CTNNA1: variants seen among roughly 807,000 people sequenced by gnomAD.
CTNNA1 encodes the protein catenin alpha 1, also known as catenin alpha-1.
Under a neutral mutation model 98.4 loss-of-function variants are expected in CTNNA1, and 37 were observed. The ratio of observed to expected loss-of-function variants is 0.38; its 90% confidence interval spans 0.29 to 0.49. The LOEUF is 0.49. Ranked by LOEUF, CTNNA1 falls within the 20% of genes least tolerant of loss-of-function variation. CTNNA1 has a pLI of 0.95. For synonymous variants in CTNNA1, 404 were observed against 413.2 expected (o/e 0.98, Z 0.27); for missense variants, 761 against 1,147.2 (o/e 0.66, Z 4.86).
rs1227268338 is a variant in CTNNA1, at chr5:138,934,395, T to C, written c.*306T>C. On this transcript the variant is annotated 3_prime_UTR_variant, in exon 18 of 18. Coordinates refer to ENST00000302763, the MANE Select transcript of CTNNA1 (RefSeq NM_001903.5). ...TCTGACCAAGCCGAGATGCCCATTCTCTTAGTGATGGCGGCGTTAGGGTTT... is the reference window on the plus strand; with the variant it reads ...TCTGACCAAGCCGAGATGCCCATTCCCTTAGTGATGGCGGCGTTAGGGTTT... The C allele has an allele frequency of 3.2e-6, 1 of 309,154 alleles. No homozygotes were observed. Among genetic ancestry groups the C allele is most frequent in the African/African-American group, 2.2e-5 (1 of 45,428 alleles). The allele number at this position is 309,154 out of a possible 1,614,324, so 19.2% of individuals were successfully genotyped here.
At chr5:138,913,277 T>C (rs1580763681) in intron 10 of CTNNA1, among the ~76,000 whole-genome samples, 1 of 152,208 alleles carries the variant, frequency 6.6e-6, no homozygotes, top group East Asian at 1.9e-4. Flanking sequence ...ATATTGTCTT[T>C]AGTTACATTA....
intron 7 of CTNNA1, among the ~76,000 whole-genome samples, chr5:138,836,789 A>G (rs1205387192): frequency 1.3e-5 from 2 of 152,204 alleles, no homozygotes; most frequent in Non-Finnish European, 2.9e-5. Context: ...CTTCATATCT[A>G]AAGTAGTATT....
chr5:138,878,377 T>C (rs1011857217), intron 7 of CTNNA1, among the ~76,000 whole-genome samples: 2 of 152,242 alleles, frequency 1.3e-5, no homozygotes, highest in African/African-American at 2.4e-5. Context: ...GGGCTACATA[T>C]CTATTTTTCT....
intron 3 of CTNNA1, among the ~76,000 whole-genome samples, chr5:138,808,975 A>T (rs1412033877): frequency 2.0e-5 from 3 of 152,196 alleles, no homozygotes; most frequent in Non-Finnish European, 4.4e-5. Flanking sequence ...AGGAAATGTT[A>T]TAAATTATTT....
intron 1 of CTNNA1, among the ~76,000 whole-genome samples, chr5:138,770,964 A>AC (rs1267529133): frequency 6.6e-6 from 1 of 151,828 alleles, no homozygotes; most frequent in Non-Finnish European, 1.5e-5. Context: ...AAAAAAAAAA[A>AC]ACACAAAAAC....
At chr5:138,781,083 G>A (rs1339845398) in intron 1 of CTNNA1, among the ~76,000 whole-genome samples, 3 of 152,166 alleles carry the variant, frequency 2.0e-5, no homozygotes, top group South Asian at 2.1e-4. Context: ...ATAGCTGTGG[G>A]TGCAGAGGGC....
At chr5:138,836,940 A>G (rs1761836615) in intron 7 of CTNNA1, among the ~76,000 whole-genome samples, 1 of 152,186 alleles carries the variant, frequency 6.6e-6, no homozygotes, top group African/African-American at 2.4e-5. Context: ...TAATGTCACA[A>G]AGTTTAAAAA....
At chr5:138,754,218 T>C (rs1399394274) in intron 1 of CTNNA1, 4 of 146,372 alleles carry the variant, frequency 2.7e-5, no homozygotes, top group Non-Finnish European at 4.5e-5. Flanking sequence ...TTTTCAGGAG[T>C]GGCATTAGAG....
intron 7 of CTNNA1, among the ~76,000 whole-genome samples, chr5:138,845,314 A>G (rs571823747): frequency 6.6e-6 from 1 of 152,344 alleles, no homozygotes; most frequent in South Asian, 2.1e-4. Context: ...AAGCTAGTCT[A>G]CTTTCTTTGG....
At chr5:138,878,427 G>A (rs1349549253) in intron 7 of CTNNA1, among the ~76,000 whole-genome samples, 6 of 152,088 alleles carry the variant, frequency 3.9e-5, no homozygotes, top group Admixed American at 3.3e-4. Context: ...GCTTTTTTCC[G>A]CAAACATATG....
At chr5:138,777,593 C>T (rs1409786332) in intron 1 of CTNNA1, among the ~76,000 whole-genome samples, 7 of 151,176 alleles carry the variant, frequency 4.6e-5, no homozygotes, top group African/African-American at 7.3e-5. Flanking sequence ...AACCAGACTC[C>T]GTCTGCAATC....
intron 3 of CTNNA1, among the ~76,000 whole-genome samples, chr5:138,808,246 T>C (rs1293246251): frequency 6.6e-6 from 1 of 152,168 alleles, no homozygotes; most frequent in Non-Finnish European, 1.5e-5. Context: ...TCTTAACCAG[T>C]TGTTAATTTT....
chr5:138,931,403 T>TG (rs1215585387), intron 16 of CTNNA1, among the ~76,000 whole-genome samples: 4 of 152,226 alleles, frequency 2.6e-5, no homozygotes, highest in Admixed American at 6.5e-5. Context: ...TTAAGCCTGA[T>TG]CAAGAGAAGC....
chr5:138,815,828 G>T (rs1759376037), intron 5 of CTNNA1, among the ~76,000 whole-genome samples: 1 of 152,152 alleles, frequency 6.6e-6, no homozygotes, highest in Non-Finnish European at 1.5e-5. Context: ...TAGACTGGTT[G>T]TGGGCTCCTG....
intron 7 of CTNNA1, among the ~76,000 whole-genome samples, chr5:138,852,985 CCTT>C (rs1763381349): frequency 6.6e-6 from 1 of 152,152 alleles, no homozygotes; most frequent in Non-Finnish European, 1.5e-5. Context: ...TCCTTGCAAG[CCTT>C]CTGGTTTACC....
At position 138,874,774 on chromosome 5, in the gene CTNNA1, G is replaced by A. The variant is rs993351370; in HGVS notation, c.1063-11438G>A. 6.6e-5 allele frequency: 57 copies of A among 866,102 alleles called. No homozygotes were observed. Among genetic ancestry groups the A allele is most frequent in the African/African-American group, 5.7e-4 (34 of 59,448 alleles). 53.7% of individuals were successfully genotyped at this position (866,102 alleles called of 1,614,324 possible). A position where few individuals can be genotyped will look rare whatever the true frequency, so the allele number is the denominator to read the frequency against. On this transcript the variant is annotated intron_variant, in intron 7 of 17. Transcript: ENST00000302763. The surrounding 1 kb of genome is among the most constrained non-coding windows in gnomAD (Gnocchi z 4.1). ...GATAAAACATGTCTCTGTCATCATC[G>A]ATATATGCTTTTACCTAAACCTCAA... is the stretch of plus-strand genomic sequence containing the variant.
intron 1 of CTNNA1, among the ~76,000 whole-genome samples, chr5:138,773,326 C>G (rs1347120318): frequency 6.6e-6 from 1 of 152,198 alleles, no homozygotes; most frequent in Non-Finnish European, 1.5e-5. Flanking sequence ...GAGTGCCTTT[C>G]TGTCATGACG....
rs1751226855 is a variant in CTNNA1 at position 138,753,514 on chromosome 5, A to G, written c.-3+4A>G. 2.1e-5 allele frequency: 8 copies of G among 374,156 alleles called. No homozygotes were observed. Among genetic ancestry groups the G allele is most frequent in the South Asian group, 2.6e-4 (2 of 7,638 alleles). The allele number at this position is 374,156 out of a possible 1,614,324, so 23.2% of individuals were successfully genotyped here. On this transcript the variant is annotated splice_donor_region_variant and intron_variant, in intron 1 of 17. Coordinates refer to ENST00000302763, the MANE Select transcript of CTNNA1 (RefSeq NM_001903.5). ...GCGCTCGCCCAGCTAGCCGCAGGTA[A>G]CTTCGTACCTCCCTCCTCGCGGGCG... is the stretch of plus-strand genomic sequence containing the variant.
intron 9 of CTNNA1, among the ~76,000 whole-genome samples, chr5:138,892,317 A>G (rs1755566778): frequency 6.7e-6 from 1 of 150,366 alleles, no homozygotes; most frequent in South Asian, 2.1e-4. Flanking sequence ...AAAAGAATAT[A>G]AAATAGCTTA....
Sources: allele counts gnomAD v4.1 joint callset (sites outside exome capture counted in the v4.1 genomes callset), GRCh38; gene constraint gnomAD v4.1.1; non-coding constraint Gnocchi (gnomAD v3.1); transcripts MANE v1.5; gene names NCBI Gene and HGNC (gene_info 2026-07-23, HGNC 2026-07-21).